TYW1: variants seen among roughly 807,000 people sequenced by gnomAD.
TYW1 encodes S-adenosyl-L-methionine-dependent tRNA 4-demethylwyosine synthase TYW1.
In TYW1, 46 loss-of-function variants were observed where a neutral mutation model predicts 96.2. The observed-to-expected ratio is 0.48, with a 90% CI of 0.38 to 0.61. The LOEUF is 0.61. Ranked by LOEUF, TYW1 falls within the 20% of genes least tolerant of loss-of-function variation. The pLI is 0.00. For missense variants in TYW1, 684 were observed against 909.6 expected (o/e 0.75, Z 3.19); for synonymous variants, 274 against 323.0 (o/e 0.85, Z 1.63).
chr7:67,023,981 G>A (rs190041350), intron 6 of TYW1, among the ~76,000 whole-genome samples: 1 of 152,218 alleles, frequency 6.6e-6, no homozygotes, highest in Non-Finnish European at 1.5e-5. Flanking sequence ...TATGAACATT[G>A]TGTTGGGGAC....
chr7:67,029,635 C>CT, intron 7 of TYW1, among the ~76,000 whole-genome samples: 1 of 151,866 alleles, frequency 6.6e-6, no homozygotes, highest in Non-Finnish European at 1.5e-5. Flanking sequence ...CGGCTATCTA[C>CT]TTTTTTGCCG....
chr7:67,089,330 T>C, intron 11 of TYW1: 1 of 1,290,368 alleles, frequency 7.7e-7, no homozygotes. Context: ...GGAGGGCCCT[T>C]CTCGAGGTGG....
At chr7:67,204,571 CT>C (rs1363778475) in intron 15 of TYW1, among the ~76,000 whole-genome samples, 1 of 127,690 alleles carries the variant, frequency 7.8e-6, no homozygotes, top group Non-Finnish European at 1.6e-5. Flanking sequence ...TTTCTTCTTC[CT>C]TCTTCCTTCT....
chr7:67,129,093 A>T (rs980313472), intron 13 of TYW1, among the ~76,000 whole-genome samples: 1 of 152,166 alleles, frequency 6.6e-6, no homozygotes, highest in African/African-American at 2.4e-5. Context: ...AGTGTGCTGC[A>T]GTTGGCTATT....
At chr7:67,041,425 C>G (rs1795016379) in intron 7 of TYW1, among the ~76,000 whole-genome samples, 2 of 152,106 alleles carry the variant, frequency 1.3e-5, no homozygotes, top group African/African-American at 4.8e-5. Flanking sequence ...CTCAGCCTCC[C>G]CAGTAGGTGG....
intron 10 of TYW1, among the ~76,000 whole-genome samples, chr7:67,072,877 C>T (rs1460610381): frequency 6.6e-6 from 1 of 151,140 alleles, no homozygotes; most frequent in Admixed American, 6.6e-5. Context: ...ATGTGATCCT[C>T]CTGTCTCAGC....
intron 8 of TYW1, among the ~76,000 whole-genome samples, chr7:67,053,579 C>G (rs1187117520): frequency 6.6e-6 from 1 of 152,062 alleles, no homozygotes. Flanking sequence ...AGGGTTTCAC[C>G]ATGTTGATCA....
rs369339929 is a variant in TYW1 at position 67,024,983 on chromosome 7, A to G, written c.945A>G (p.Glu315=). The change falls in exon 7 of 16, where the codon GAA becomes GAG. Residue 315 remains glutamate, a synonymous_variant. Coordinates refer to ENST00000359626, the MANE Select transcript of TYW1 (RefSeq NM_018264.4). The stretch of plus-strand genomic sequence containing the variant: ...GCCTAAATTCCATTGTTGATGTTGA[A>G]GATTTGGGCAAAATTATGGATCATG... ...HQSLNSIVDV[E]DLGKIMDHVK... The G allele has an allele frequency of 2.7e-5, 44 of 1,613,658 alleles. No homozygotes were observed. Among genetic ancestry groups the G allele is most frequent in the Non-Finnish European group, 3.6e-5 (42 of 1,179,822 alleles).
intron 10 of TYW1, among the ~76,000 whole-genome samples, chr7:67,073,595 C>T (rs1243763474): frequency 6.6e-6 from 1 of 151,006 alleles, no homozygotes; most frequent in Non-Finnish European, 1.5e-5. Flanking sequence ...CAGAGGGAAA[C>T]CCCGTCTCTA....
chr7:67,009,713 A>G, intron 4 of TYW1, 29 bp downstream of exon 4: 1 of 1,554,330 alleles, frequency 6.4e-7, no homozygotes, highest in Non-Finnish European at 8.7e-7. Context: ...CTTCAGTCAA[A>G]ACTCTCAAAT....
chr7:67,012,219 G>A (rs1392241991), intron 4 of TYW1, among the ~76,000 whole-genome samples: 2 of 151,868 alleles, frequency 1.3e-5, no homozygotes, highest in Admixed American at 6.6e-5. Context: ...ATGGTGGTGC[G>A]CGCCTGTAGT....
chr7:67,202,882 C>G (rs1261903684), intron 15 of TYW1, among the ~76,000 whole-genome samples: 1 of 152,210 alleles, frequency 6.6e-6, no homozygotes, highest in African/African-American at 2.4e-5. Flanking sequence ...AGAAAGGTCT[C>G]AGGTACCCTT....
At chr7:67,072,767 G>A (rs1369023073) in intron 10 of TYW1, among the ~76,000 whole-genome samples, 3 of 151,824 alleles carry the variant, frequency 2.0e-5, no homozygotes, top group Admixed American at 6.6e-5. Flanking sequence ...GTTAAAAAAT[G>A]ATATGGCCAC....
At chr7:67,221,627 T>G (rs1181707163) in intron 15 of TYW1, among the ~76,000 whole-genome samples, 3 of 152,236 alleles carry the variant, frequency 2.0e-5, no homozygotes, top group South Asian at 2.1e-4. Context: ...TTAAATTACC[T>G]TTTCATTTCC....
At chr7:67,206,966 G>C (rs1272159086) in intron 15 of TYW1, among the ~76,000 whole-genome samples, 1 of 152,028 alleles carries the variant, frequency 6.6e-6, no homozygotes, top group African/African-American at 2.4e-5. Flanking sequence ...TCCCTCCCTG[G>C]GCTTTTAAAC....
chr7:67,040,747 G>A (rs1321644961), intron 7 of TYW1, among the ~76,000 whole-genome samples: 1 of 151,996 alleles, frequency 6.6e-6, no homozygotes, highest in East Asian at 1.9e-4. Flanking sequence ...GGGAGGCTGA[G>A]GTGGGAGGAT....
At chr7:67,076,507 G>T (rs949541061) in intron 10 of TYW1, among the ~76,000 whole-genome samples, 7 of 151,432 alleles carry the variant, frequency 4.6e-5, no homozygotes, top group South Asian at 2.1e-4. Context: ...ACAGAGTCTC[G>T]CTCTTTTGCC....
chr7:67,090,521 A>C (rs902965569), intron 11 of TYW1, among the ~76,000 whole-genome samples: 1 of 152,206 alleles, frequency 6.6e-6, no homozygotes, highest in African/African-American at 2.4e-5. Flanking sequence ...TACTCTGCTG[A>C]CTGTAATTGT....
intron 7 of TYW1, among the ~76,000 whole-genome samples, chr7:67,045,009 G>T (rs578058172): frequency 6.6e-6 from 1 of 152,270 alleles, no homozygotes; most frequent in Non-Finnish European, 1.5e-5. Flanking sequence ...TTTCCCAGGA[G>T]AAATGTATGT....
Sources: gnomAD v4.1 joint callset for allele counts (sites outside exome capture counted in the v4.1 genomes callset) on GRCh38, gnomAD v4.1.1 for gene constraint, MANE v1.5 for transcripts, NCBI Gene and HGNC (gene_info 2026-07-23, HGNC 2026-07-21) for gene names.